WDR74: variants seen among roughly 807,000 people sequenced by gnomAD.
WDR74 encodes the protein WD repeat-containing protein 74.
WDR74 carries 31 observed loss-of-function variants against 45.6 expected under a neutral mutation model. The ratio of observed to expected loss-of-function variants is 0.68; its 90% CI spans 0.51 to 0.92. WDR74 has a LOEUF of 0.92. Among genes scored for constraint, WDR74 ranks in the 40% least tolerant of loss-of-function variants. The pLI is 0.00. For synonymous variants in WDR74, 191 were observed against 192.4 expected (o/e 0.99, Z 0.06); for missense variants, 455 against 497.2 (o/e 0.92, Z 0.81).
At chr11:62,833,968 T>G (rs1159423646) in intron 8 of WDR74, 31 bp from the exon 9 acceptor site, 4 of 1,607,666 alleles carry the variant, frequency 2.5e-6, no homozygotes, top group African/African-American at 2.7e-5. Flanking sequence ...CCGTGATAAC[T>G]GGCTGGCCAA....
chr11:62,836,397 T>C (rs1003694576), intron 3 of WDR74: 8 of 280,214 alleles, frequency 2.9e-5, no homozygotes, highest in South Asian at 1.1e-4. Flanking sequence ...TATTCCAGAG[T>C]GCTTTTGCTG....
At chr11:62,837,148 T>C (rs945282533) in intron 3 of WDR74, among the ~76,000 whole-genome samples, 1 of 152,104 alleles carries the variant, frequency 6.6e-6, no homozygotes, top group African/African-American at 2.4e-5. Context: ...ACCTAGCACT[T>C]AAAGCCCTTT....
intron 2 of WDR74, 32 bp downstream of exon 2, chr11:62,839,290 C>A: frequency 1.2e-6 from 2 of 1,611,116 alleles, no homozygotes; most frequent in Admixed American, 3.3e-5. Context: ...CGCCCCAGGC[C>A]CCCAGCTCCG....
At chr11:62,838,277 C>G (rs191488569) in intron 3 of WDR74, among the ~76,000 whole-genome samples, 1 of 151,966 alleles carries the variant, frequency 6.6e-6, no homozygotes, top group East Asian at 1.9e-4. Flanking sequence ...CTCGGCCTCC[C>G]AAGTAGCTGG....
At chr11:62,837,545 A>G (rs940085245) in intron 3 of WDR74, among the ~76,000 whole-genome samples, 1 of 151,906 alleles carries the variant, frequency 6.6e-6, no homozygotes, top group East Asian at 1.9e-4. Context: ...CTTGTTATCA[A>G]CTTCCAAATC....
chr11:62,836,999 C>T (rs1283346028), intron 3 of WDR74, among the ~76,000 whole-genome samples: 1 of 152,114 alleles, frequency 6.6e-6, no homozygotes, highest in Non-Finnish European at 1.5e-5. Flanking sequence ...TCGCCTGAAC[C>T]AGGGAGGTGG....
At chr11:62,839,014 C>A in intron 3 of WDR74, 100 bp downstream of exon 3, 1 of 1,533,364 alleles carries the variant, frequency 6.5e-7, no homozygotes, top group South Asian at 1.2e-5. Flanking sequence ...CATTCAAAGC[C>A]GTGTCACTAA....
chr11:62,835,683 CTT>C lies in WDR74; in HGVS notation c.516+10_516+11del, dbSNP rs2084948646. ...ACTTCAGGAACAGCTCCTTCACACTCTTGTCACTCACGTTCTTGGCCCTGAAC... is the reference window on the plus strand; with the variant it reads ...ACTTCAGGAACAGCTCCTTCACACTCGTCACTCACGTTCTTGGCCCTGAAC... On this transcript the variant is annotated intron_variant, in intron 5 of 10. Transcript: ENST00000278856. The C allele has an allele frequency of 6.2e-7, 1 of 1,613,974 alleles. No homozygotes were observed.
At chr11:62,837,231 G>A (rs188195617) in intron 3 of WDR74, among the ~76,000 whole-genome samples, 15 of 152,096 alleles carry the variant, frequency 9.9e-5, no homozygotes, top group South Asian at 4.1e-4. Flanking sequence ...AGTGGTTCAC[G>A]CCTGTAATCC....
intron 3 of WDR74, among the ~76,000 whole-genome samples, chr11:62,837,815 T>C (rs1192168304): frequency 6.6e-6 from 1 of 152,220 alleles, no homozygotes; most frequent in Non-Finnish European, 1.5e-5. Context: ...AGGCCAGTCA[T>C]CCAACCACTT....
upstream of WDR74, among the ~76,000 whole-genome samples, chr11:62,841,242 G>A (rs1006704521): frequency 2.6e-5 from 4 of 152,162 alleles, no homozygotes; most frequent in Non-Finnish European, 4.4e-5. Flanking sequence ...GCATGAACCC[G>A]GGAGGCGGAT....
intron 6 of WDR74, chr11:62,834,956 G>A (rs1461927734): frequency 4.5e-6 from 1 of 222,174 alleles, no homozygotes; most frequent in Non-Finnish European, 9.0e-6. Context: ...AAGAAAATAG[G>A]ACAAATACAG....
rs757690080 is a variant in WDR74, at chr11:62,835,411, G to C, written c.618+20C>G. The C allele has an allele frequency of 1.4e-5, 23 of 1,609,924 alleles. No individual in the cohort carries two copies. The highest frequency in any genetic ancestry group is 1.8e-5 in the Non-Finnish European group (21 of 1,176,510). ...GGCTGCTTTATCCCAGGAGAAGGCA[G>C]GTGTGAGGTGACACCTTACCTGGTG... On this transcript the variant is annotated intron_variant, in intron 6 of 10. Coordinates refer to ENST00000278856, the MANE Select transcript of WDR74 (RefSeq NM_001369450.1).
upstream of WDR74, among the ~76,000 whole-genome samples, chr11:62,841,309 GAC>G (rs2085043418): frequency 1.3e-5 from 2 of 151,736 alleles, no homozygotes; most frequent in African/African-American, 4.9e-5. Context: ...AGAGCAAGAC[GAC>G]GTCTCAAAAA....
At chr11:62,839,258 G>A (rs2085007731) in intron 2 of WDR74, 23 bp from the exon 3 acceptor site, 2 of 1,612,948 alleles carry the variant, frequency 1.2e-6, no homozygotes, top group African/African-American at 2.7e-5. Context: ...AGGGCAAGAT[G>A]GCGAGGAGAG....
Position 62,835,417 on chromosome 11 carries a change from A to C in WDR74, c.618+14T>G. 6.2e-7 allele frequency: 1 copy of C among 1,612,450 alleles called. No individual in the cohort carries two copies. The highest frequency in any genetic ancestry group is 8.5e-7 in the Non-Finnish European group (1 of 1,178,658). Reference sequence around the variant, plus strand: ...TTTATCCCAGGAGAAGGCAGGTGTGAGGTGACACCTTACCTGGTGGTACCC... The same window carrying C: ...TTTATCCCAGGAGAAGGCAGGTGTGCGGTGACACCTTACCTGGTGGTACCC... On this transcript the variant is annotated intron_variant, in intron 6 of 10. Transcript: ENST00000278856.
intron 3 of WDR74, among the ~76,000 whole-genome samples, chr11:62,836,989 T>G (rs982963360): frequency 6.6e-6 from 1 of 152,088 alleles, no homozygotes; most frequent in African/African-American, 2.4e-5. Flanking sequence ...GGCAGGAGAA[T>G]CGCCTGAACC....
Position 62,835,718 on chromosome 11 carries a change from C to A in WDR74, c.493G>T (p.Glu165Ter). ...ACGTTCTTGGCCCTGAACACAGGTT[C>A]CTCAGAGCCCTGCAGGTCCCATATC... ...LKIWDLQGSE[E>*]PVFRAKNVRN... Residue 165 changes from glutamate to a stop codon, truncating the protein, a stop_gained, in exon 5 of 11, where the codon GAA (glutamate) becomes TAA (stop). Coordinates refer to ENST00000278856, the MANE Select transcript of WDR74 (RefSeq NM_001369450.1). LOFTEE classifies it high-confidence loss of function. 1 of 1,613,964 alleles carries A rather than the reference C, an allele frequency of 6.2e-7. No homozygotes were observed. Among genetic ancestry groups the A allele is most frequent in the East Asian group, 2.2e-5 (1 of 44,878 alleles).
In WDR74 at chr11:62,836,053, G is replaced by A. The variant is rs754658386; in HGVS notation, c.294-17C>T. On this transcript the variant is annotated splice_polypyrimidine_tract_variant and intron_variant, in intron 3 of 10. Transcript: ENST00000278856. ...ATGAGGGTGCTGCAGAGAAAGGATA[G>A]AGTTGGGATTTTTTAAGTGCTTAAA... The A allele has an allele frequency of 5.7e-6, 9 of 1,570,652 alleles. No homozygotes were observed. Among genetic ancestry groups the A allele is most frequent in the Non-Finnish European group, 7.8e-6 (9 of 1,157,312 alleles).
Sources: allele counts gnomAD v4.1 joint callset (sites outside exome capture counted in the v4.1 genomes callset), GRCh38; gene constraint gnomAD v4.1.1; transcripts MANE v1.5; gene names NCBI Gene and HGNC (gene_info 2026-07-23, HGNC 2026-07-21).